Variants in NR2C2 observed in about 807,000 individuals in gnomAD.
The protein encoded by NR2C2 is Nuclear hormone receptor TR4.
Under a neutral mutation model 62.9 loss-of-function variants are expected in NR2C2, and 6 were observed. The observed-to-expected ratio is 0.10, with a 90% CI of 0.05 to 0.19. NR2C2 has a LOEUF of 0.19. Ranked by LOEUF, NR2C2 falls within the 10% of genes least tolerant of loss-of-function variation. NR2C2 has a pLI of 1.00. For missense variants in NR2C2, 479 were observed against 762.7 expected (o/e 0.63, Z 4.38); for synonymous variants, 272 against 273.8 (o/e 0.99, Z 0.07).
chr3:14,971,645 G>A (rs943682153), intron 1 of NR2C2, among the ~76,000 whole-genome samples: 2 of 151,430 alleles, frequency 1.3e-5, no homozygotes, highest in African/African-American at 2.4e-5. Flanking sequence ...TCAACAACAC[G>A]TTATTTGTTG....
At chr3:14,948,908 T>G (rs1055838446) in intron 1 of NR2C2, among the ~76,000 whole-genome samples, 1 of 152,154 alleles carries the variant, frequency 6.6e-6, no homozygotes, top group African/African-American at 2.4e-5. Context: ...ACCTCCCTTC[T>G]GAGCATTGTT....
At position 15,034,413 on chromosome 3, in the gene NR2C2, A is replaced by G. The variant is rs943433863; in HGVS notation, c.1233-257A>G. ...CTGTAGGTAATGATGGTTTGGCCAT[A>G]CCTATTAACATTTTTTTATTATTTA... On this transcript the variant is annotated intron_variant, in intron 10 of 13. Coordinates refer to ENST00000425241, the MANE Select transcript of NR2C2 (RefSeq NM_001291694.2). The G allele has an allele frequency of 2.5e-5, 10 of 402,500 alleles. No homozygotes were observed. In the East Asian group the frequency reaches 4.5e-4, roughly 18 times the overall value. 24.9% of individuals were successfully genotyped at this position (402,500 alleles called of 1,614,324 possible).
intron 1 of NR2C2, among the ~76,000 whole-genome samples, chr3:14,976,556 C>T (rs1351402872): frequency 6.9e-6 from 1 of 145,304 alleles, no homozygotes; most frequent in Non-Finnish European, 1.5e-5. Context: ...CTTTACTTCT[C>T]TCTTGTTTGG....
At chr3:14,999,530 C>G (rs1281343569) in intron 1 of NR2C2, among the ~76,000 whole-genome samples, 1 of 152,136 alleles carries the variant, frequency 6.6e-6, no homozygotes, top group Non-Finnish European at 1.5e-5. Context: ...TGATTATTTT[C>G]TAATTTTTCT....
At chr3:15,007,330 T>C (rs891703406) in intron 2 of NR2C2, among the ~76,000 whole-genome samples, 1 of 151,740 alleles carries the variant, frequency 6.6e-6, no homozygotes, top group Non-Finnish European at 1.5e-5. Flanking sequence ...GGTTTCACCA[T>C]GTTAGACAGG....
chr3:14,952,415 T>A (rs1184057825), intron 1 of NR2C2, among the ~76,000 whole-genome samples: 1 of 152,162 alleles, frequency 6.6e-6, no homozygotes, highest in Non-Finnish European at 1.5e-5. Context: ...AGCCATACGC[T>A]CCTTTAGTCC....
rs765121543 is a variant in NR2C2, at chr3:15,049,134, G to GTGTT, written c.*6130_*6133dup. ...GTCTTGAAGAAGAATTTGCATTGTTGTGTTTGTATATAGAGTATTGCAGTG... is the reference window on the plus strand; with the variant it reads ...GTCTTGAAGAAGAATTTGCATTGTTGTGTTTGTTTGTATATAGAGTATTGCAGTG... On this transcript the variant is annotated 3_prime_UTR_variant, in exon 14 of 14. Coordinates refer to ENST00000425241, the MANE Select transcript of NR2C2 (RefSeq NM_001291694.2). 4.6e-5 allele frequency: 7 copies of GTGTT among 152,586 alleles called. No individual in the cohort carries two copies. Among genetic ancestry groups the GTGTT allele is most frequent in the Non-Finnish European group, 7.3e-5 (5 of 68,028 alleles). The allele number at this position is 152,586 out of a possible 1,614,324, so 9.5% of individuals were successfully genotyped here.
chr3:15,024,034 G>A (rs888552461), intron 6 of NR2C2, 81 bp from the exon 7 acceptor site: 63 of 982,508 alleles, frequency 6.4e-5, no homozygotes, highest in East Asian at 3.4e-4. Context: ...TCACAAATGT[G>A]GAAGGACAGG....
chr3:15,025,791 TTCTG>T (rs1196650401), intron 7 of NR2C2: 3 of 152,222 alleles, frequency 2.0e-5, no homozygotes, highest in Non-Finnish European at 4.4e-5. Context: ...ATATGTATTG[TTCTG>T]TCTTTTTTAT....
intron 1 of NR2C2, among the ~76,000 whole-genome samples, chr3:14,982,755 T>C (rs1018043002): frequency 6.6e-6 from 1 of 152,170 alleles, no homozygotes; most frequent in Non-Finnish European, 1.5e-5. Flanking sequence ...CTAATCCTTA[T>C]GTTTTTGTCT....
chr3:14,985,272 G>T (rs563739054), intron 1 of NR2C2, among the ~76,000 whole-genome samples: 1 of 152,046 alleles, frequency 6.6e-6, no homozygotes, highest in Non-Finnish European at 1.5e-5. Flanking sequence ...TTGAAGAATA[G>T]ATTTTTTTAT....
Position 15,030,441 on chromosome 3 carries a change from G to A in NR2C2, c.1099G>A (p.Val367Ile), listed in dbSNP as rs145430192. Residue 367 changes from valine to isoleucine, a missense_variant, in exon 9 of 14, where the codon GTC becomes ATC. Physicochemically the swap from Val to Ile is conservative, Grantham distance 29. Around this residue, in one of 4 missense-constraint regions of NR2C2, gnomAD observed 162 missense variants for 296.8 expected, o/e 0.55. Coordinates refer to ENST00000425241, the MANE Select transcript of NR2C2 (RefSeq NM_001291694.2). ...AGGCCCCCTCCTTTCAGACACACAC[G>A]TCACATTTAAGGTGAGTGAATTCAG... The part of the protein sequence containing the change: ...VEGPLLSDTH[V>I]TFKLTMPSPM... 1.4e-3 allele frequency: 2,176 copies of A among 1,600,254 alleles called. 2 individuals are homozygous for A. The highest frequency in any genetic ancestry group is 1.7e-3 in the Non-Finnish European group (1,991 of 1,175,144).
chr3:15,042,527 G>T, intron 13 of NR2C2: 1 of 253,678 alleles, frequency 3.9e-6, no homozygotes, highest in Non-Finnish European at 7.5e-6. Context: ...ATCATATGAA[G>T]ACTCCTACTT....
chr3:15,029,079 C>G (rs1314476743), intron 8 of NR2C2, among the ~76,000 whole-genome samples: 1 of 150,396 alleles, frequency 6.6e-6, no homozygotes, highest in East Asian at 1.9e-4. Context: ...CTATTTTAAC[C>G]TATTTTTCTC....
At chr3:14,951,460 T>C (rs2039353020) in intron 1 of NR2C2, among the ~76,000 whole-genome samples, 1 of 152,220 alleles carries the variant, frequency 6.6e-6, no homozygotes, top group Non-Finnish European at 1.5e-5. Flanking sequence ...TGTTATGGTA[T>C]TTTAAAAATA....
chr3:14,973,251 G>T (rs1424582708), intron 1 of NR2C2, among the ~76,000 whole-genome samples: 1 of 151,246 alleles, frequency 6.6e-6, no homozygotes. Context: ...TTTTTGGCAG[G>T]GTCTTGCTCT....
At chr3:14,978,542 A>G (rs143599797) in intron 1 of NR2C2, among the ~76,000 whole-genome samples, 1 of 152,206 alleles carries the variant, frequency 6.6e-6, no homozygotes, top group Admixed American at 6.5e-5. Flanking sequence ...CTGTTCGTCC[A>G]TAGGTTTCCT....
intron 10 of NR2C2, among the ~76,000 whole-genome samples, chr3:15,033,807 C>T (rs950001551): frequency 1.3e-5 from 2 of 151,992 alleles, no homozygotes; most frequent in African/African-American, 4.8e-5. Flanking sequence ...TTTCTCAGTC[C>T]GGGCTAGATA....
At chr3:14,948,458 G>A (rs922948237) in intron 1 of NR2C2, 1 of 152,298 alleles carries the variant, frequency 6.6e-6, no homozygotes, top group Non-Finnish European at 1.5e-5. Flanking sequence ...CAGATAGGAG[G>A]GCCGGGGCCT....
Sources: gnomAD v4.1 joint callset for allele counts (sites outside exome capture counted in the v4.1 genomes callset) on GRCh38, gnomAD v4.1.1 for gene constraint, gnomAD v4.1.1 regional missense constraint, MANE v1.5 for transcripts, NCBI Gene and HGNC (gene_info 2026-07-23, HGNC 2026-07-21) for gene names.